Variants in NECAB1 observed in about 807,000 individuals in gnomAD.
The protein encoded by NECAB1 is N-terminal EF-hand calcium binding protein 1.
Under a neutral mutation model 57.5 loss-of-function variants are expected in NECAB1, and 29 were observed. The ratio of observed to expected loss-of-function variants is 0.50; its 90% CI spans 0.38 to 0.69. NECAB1 has a LOEUF of 0.69. NECAB1 is among the 30% of genes least tolerant of loss of function. The pLI is 0.00. For synonymous variants in NECAB1, 142 were observed against 147.7 expected (o/e 0.96, Z 0.28); for missense variants, 372 against 413.8 (o/e 0.90, Z 0.88).
At chr8:90,844,161 A>G (rs1812511555) in intron 3 of NECAB1, among the ~76,000 whole-genome samples, 1 of 152,106 alleles carries the variant, frequency 6.6e-6, no homozygotes, top group African/African-American at 2.4e-5. Flanking sequence ...GTTGTATACA[A>G]ATCTGGGGTG....
intron 2 of NECAB1, among the ~76,000 whole-genome samples, chr8:90,807,010 T>C (rs1253056935): frequency 2.6e-5 from 4 of 152,216 alleles, no homozygotes; most frequent in Non-Finnish European, 5.9e-5. Flanking sequence ...TTGTTGTATA[T>C]GCACCTATGT....
intron 2 of NECAB1, among the ~76,000 whole-genome samples, chr8:90,802,811 T>C (rs1307447833): frequency 6.6e-6 from 1 of 152,230 alleles, no homozygotes; most frequent in Non-Finnish European, 1.5e-5. Context: ...TGGTGATTGA[T>C]ATATTGTCAG....
intron 3 of NECAB1, among the ~76,000 whole-genome samples, chr8:90,859,448 G>T (rs767492492): frequency 1.3e-5 from 2 of 152,198 alleles, no homozygotes; most frequent in Non-Finnish European, 2.9e-5. Context: ...AGTGGGGAAA[G>T]AATGTAACTA....
Position 90,812,246 on chromosome 8 carries a change from TG to T in NECAB1, c.124+10532del, listed in dbSNP as rs202099276. Among the ~76,000 whole-genome samples, 16 of 152,358 alleles carry T rather than the reference TG, an allele frequency of 1.1e-4. No homozygotes were observed. In the East Asian group the frequency reaches 3.1e-3, roughly 29 times the overall value. ...TTAATTTTCATTTACCAGTGAAATTTGTCTACAAATGGAGTATTCTTCACGT... is the reference window on the plus strand; with the variant it reads ...TTAATTTTCATTTACCAGTGAAATTTTCTACAAATGGAGTATTCTTCACGT... On this transcript the variant is annotated intron_variant, in intron 2 of 12. Coordinates refer to ENST00000417640, the MANE Select transcript of NECAB1 (RefSeq NM_022351.5).
intron 5 of NECAB1, among the ~76,000 whole-genome samples, chr8:90,912,730 G>GA (rs981074738): frequency 1.3e-3 from 194 of 147,516 alleles, no homozygotes; most frequent in Non-Finnish European, 1.6e-3. Context: ...TCCCAGTTTG[G>GA]AAAAAAAAAA....
chr8:90,880,321 A>G (rs1345422255), intron 4 of NECAB1, among the ~76,000 whole-genome samples: 1 of 152,128 alleles, frequency 6.6e-6, no homozygotes, highest in Non-Finnish European at 1.5e-5. Context: ...TCAATATATA[A>G]ATTTATGTTA....
At chr8:90,809,482 A>G (rs1811914943) in intron 2 of NECAB1, among the ~76,000 whole-genome samples, 1 of 152,250 alleles carries the variant, frequency 6.6e-6, no homozygotes, top group African/African-American at 2.4e-5. Flanking sequence ...CAAAGATGAT[A>G]GAGATAAGAA....
At chr8:90,807,426 T>G (rs1415712712) in intron 2 of NECAB1, among the ~76,000 whole-genome samples, 4 of 152,212 alleles carry the variant, frequency 2.6e-5, no homozygotes, top group Non-Finnish European at 1.5e-5. Flanking sequence ...TCGGTACGTA[T>G]GAGTATTTCC....
chr8:90,910,525 GCT>G (rs1271889991), intron 5 of NECAB1, among the ~76,000 whole-genome samples: 2 of 152,046 alleles, frequency 1.3e-5, no homozygotes, highest in East Asian at 1.9e-4. Context: ...AGGCTTTCTG[GCT>G]CTGTTTCTCT....
chr8:90,824,682 A>C, intron 2 of NECAB1, 35 bp from the exon 3 acceptor site: 1 of 1,348,990 alleles, frequency 7.4e-7, no homozygotes, highest in Non-Finnish European at 1.0e-6. Context: ...TACAAAATTA[A>C]AATAATTTGT....
intron 5 of NECAB1, among the ~76,000 whole-genome samples, chr8:90,885,178 T>G (rs1311163625): frequency 2.0e-5 from 3 of 152,086 alleles, no homozygotes; most frequent in Non-Finnish European, 2.9e-5. Flanking sequence ...ATTGATAGAG[T>G]TCACACAGTG....
chr8:90,922,500 T>TGA (rs1810144571), intron 6 of NECAB1, among the ~76,000 whole-genome samples: 1 of 134,748 alleles, frequency 7.4e-6, no homozygotes, highest in Non-Finnish European at 1.6e-5. Context: ...TTTTTTTTTT[T>TGA]TTTTTTTTTT....
At chr8:90,840,756 T>C (rs1443234036) in intron 3 of NECAB1, among the ~76,000 whole-genome samples, 1 of 152,120 alleles carries the variant, frequency 6.6e-6, no homozygotes, top group Non-Finnish European at 1.5e-5. Flanking sequence ...CATTGCTCAT[T>C]GCCGGCTCTT....
chr8:90,944,767 C>T (rs564985398), intron 10 of NECAB1, among the ~76,000 whole-genome samples: 48 of 152,154 alleles, frequency 3.2e-4, no homozygotes, highest in African/African-American at 1.0e-3. Context: ...CTACGAAATT[C>T]GAGAATTTGA....
At chr8:90,851,751 C>A (rs1006756067) in intron 3 of NECAB1, among the ~76,000 whole-genome samples, 11 of 152,132 alleles carry the variant, frequency 7.2e-5, no homozygotes, top group African/African-American at 2.4e-4. Flanking sequence ...ACTTTTGTCA[C>A]AACTGATGAA....
intron 2 of NECAB1, chr8:90,812,768 T>G (rs1226024917): frequency 3.9e-5 from 6 of 152,152 alleles, no homozygotes; most frequent in African/African-American, 7.2e-5. Context: ...TCATTTAACC[T>G]TGTCATATTT....
rs1348875375 is a variant in NECAB1 at position 90,824,796 on chromosome 8, T to C, written c.204T>C (p.Leu68=). 3.2e-6 allele frequency: 5 copies of C among 1,549,478 alleles called. No individual in the cohort carries two copies. The highest frequency in any genetic ancestry group is 1.2e-5 in the South Asian group (1 of 82,746). The stretch of plus-strand genomic sequence containing the variant: ...TCAGTGGAGAAGAATTACACGAGCT[T>C]TTCCATACCATTGATACACATAATA... ...GVLSGEELHE[L]FHTIDTHNTN... The change falls in exon 3 of 13, where the codon CTT becomes CTC. Residue 68 remains leucine (L), a synonymous_variant. Coordinates refer to ENST00000417640, the MANE Select transcript of NECAB1 (RefSeq NM_022351.5).
chr8:90,927,731 A>G (rs1353435431), intron 7 of NECAB1, among the ~76,000 whole-genome samples: 1 of 151,546 alleles, frequency 6.6e-6, no homozygotes, highest in African/African-American at 2.4e-5. Context: ...CCACTATGCC[A>G]TGATTATAGA....
intron 3 of NECAB1, among the ~76,000 whole-genome samples, chr8:90,865,861 T>C (rs774496509): frequency 6.6e-6 from 1 of 152,216 alleles, no homozygotes; most frequent in Non-Finnish European, 1.5e-5. Flanking sequence ...CACATTCTTC[T>C]AGGTTAAATT....
Sources: gnomAD v4.1 joint callset for allele counts (sites outside exome capture counted in the v4.1 genomes callset) on GRCh38, gnomAD v4.1.1 for gene constraint, MANE v1.5 for transcripts, NCBI Gene and HGNC (gene_info 2026-07-23, HGNC 2026-07-21) for gene names.